Variants in THEM4 observed in about 807,000 individuals in gnomAD.
The protein encoded by THEM4 is thioesterase superfamily member 4.
Under a neutral mutation model 25.0 loss-of-function variants are expected in THEM4, and 22 were observed. That is an observed-to-expected ratio of 0.88 (90% CI 0.63 to 1.26). The LOEUF (loss-of-function observed/expected upper bound fraction) is 1.26, where lower values mean the gene tolerates loss of function less well. Ranked by LOEUF, THEM4 falls within the 50% of genes most tolerant of loss-of-function variation. THEM4 has a pLI of 0.00. For missense variants in THEM4, 286 were observed against 300.3 expected (o/e 0.95, Z 0.35); for synonymous variants, 113 against 105.6 (o/e 1.07, Z -0.43).
chr1:151,908,352 G>C (rs1189438092), intron 1 of THEM4, among the ~76,000 whole-genome samples: 1 of 152,174 alleles, frequency 6.6e-6, no homozygotes, highest in Non-Finnish European at 1.5e-5. Flanking sequence ...TTACGTCCTT[G>C]GGGGCGTGGC....
chr1:151,871,199 C>T lies in THEM4; in HGVS notation c.*3689G>A, dbSNP rs932950246. On this transcript the variant is annotated 3_prime_UTR_variant, in exon 6 of 6. Coordinates refer to ENST00000368814, the MANE Select transcript of THEM4 (RefSeq NM_053055.5). ...AATTAGCTGGGTTTGGTGGTGTATG[C>T]CTATAGTCCCAGCTACTTGGGAGGC... Among the ~76,000 whole-genome samples, 7 of 151,870 alleles carry T rather than the reference C, an allele frequency of 4.6e-5. No individual in the cohort carries two copies. The highest frequency in any genetic ancestry group is 1.7e-4 in the African/African-American group (7 of 41,318).
At chr1:151,881,572 T>C (rs1427034736) in intron 4 of THEM4, among the ~76,000 whole-genome samples, 2 of 152,224 alleles carry the variant, frequency 1.3e-5, no homozygotes, top group East Asian at 1.9e-4. Context: ...TTTTGAACTT[T>C]AGCTTTGCTG....
chr1:151,885,592 G>A (rs190223946), intron 4 of THEM4, among the ~76,000 whole-genome samples: 3 of 152,200 alleles, frequency 2.0e-5, no homozygotes, highest in African/African-American at 7.2e-5. Flanking sequence ...TTTTGAAGGA[G>A]GAATGTCCTT....
At chr1:151,909,174 T>C (rs541154642) in intron 1 of THEM4, among the ~76,000 whole-genome samples, 186 bp downstream of exon 1, 2 of 152,344 alleles carry the variant, frequency 1.3e-5, no homozygotes, top group East Asian at 3.9e-4. Flanking sequence ...CCATCCCTTT[T>C]CTAACGGTTT....
Position 151,877,120 on chromosome 1 carries a change from A to C in THEM4, c.563T>G (p.Ile188Ser). 6.2e-7 allele frequency: 1 copy of C among 1,608,294 alleles called. No homozygotes were observed. Among genetic ancestry groups the C allele is most frequent in the South Asian group, 1.1e-5 (1 of 89,592 alleles). The change falls in exon 5 of 6, where the codon ATC (isoleucine) becomes AGC (serine). Residue 188 changes from isoleucine (I) to serine (S), a missense_variant. Coordinates refer to ENST00000368814, the MANE Select transcript of THEM4 (RefSeq NM_053055.5). ...ANLNINYKRP[I>S]PLCSVVMINS... ...TATCATAACAACAGAACAAAGAGGGATAGGTCTGCAGAATAAAATGAAAAA... is the reference window on the plus strand; with the variant it reads ...TATCATAACAACAGAACAAAGAGGGCTAGGTCTGCAGAATAAAATGAAAAA...
At position 151,906,831 on chromosome 1, in the gene THEM4, G is replaced by A. The variant is rs182651526; in HGVS notation, c.99+2529C>T. ...CTAGCTAATCTGGTGTGGACGTGGAGAACCTTTGTGTCTAGCTCAGGGATT... is the reference window on the plus strand; with the variant it reads ...CTAGCTAATCTGGTGTGGACGTGGAAAACCTTTGTGTCTAGCTCAGGGATT... On this transcript the variant is annotated intron_variant, in intron 1 of 5. Coordinates refer to ENST00000368814, the MANE Select transcript of THEM4 (RefSeq NM_053055.5). Among the ~76,000 whole-genome samples the A allele has an allele frequency of 3.3e-3, 506 of 152,248 alleles. 7 individuals are homozygous for A. Among genetic ancestry groups the A allele is most frequent in the African/African-American group, 0.011 (477 of 41,544 alleles).
chr1:151,904,636 CTG>C (rs1437779237), intron 1 of THEM4, among the ~76,000 whole-genome samples: 1 of 152,274 alleles, frequency 6.6e-6, no homozygotes, highest in South Asian at 2.1e-4. Context: ...AGTTAAAAGA[CTG>C]TTGCAAAGGC....
intron 2 of THEM4, 59 bp from the exon 3 acceptor site, chr1:151,889,432 G>A: frequency 6.4e-7 from 1 of 1,556,204 alleles, no homozygotes; most frequent in Non-Finnish European, 8.8e-7. Context: ...TGCCATGGCA[G>A]AGCCAAGCAC....
At chr1:151,899,915 G>C (rs868018593) in intron 1 of THEM4, among the ~76,000 whole-genome samples, 2 of 152,278 alleles carry the variant, frequency 1.3e-5, no homozygotes, top group Middle Eastern at 3.4e-3. Flanking sequence ...AGAAGCACCA[G>C]GCAACCTATA....
chr1:151,893,846 GCCTT>G (rs1654150623), intron 2 of THEM4, among the ~76,000 whole-genome samples: 1 of 151,702 alleles, frequency 6.6e-6, no homozygotes, highest in African/African-American at 2.4e-5. Context: ...AATATTGAGA[GCCTT>G]CTTTTTCTCT....
intron 1 of THEM4, among the ~76,000 whole-genome samples, chr1:151,899,405 T>A (rs112737638): frequency 0.029 from 4,385 of 150,708 alleles, 219 homozygotes; most frequent in African/African-American, 0.099. Flanking sequence ...GCAGGAGAAT[T>A]GCTTGAAGCT....
intron 1 of THEM4, among the ~76,000 whole-genome samples, chr1:151,900,500 G>A (rs1294394427): frequency 2.6e-5 from 4 of 152,034 alleles, no homozygotes; most frequent in Non-Finnish European, 5.9e-5. Flanking sequence ...TCATGCAAAT[G>A]GACACCAAAA....
intron 2 of THEM4, among the ~76,000 whole-genome samples, chr1:151,892,304 A>T (rs937928277): frequency 1.3e-5 from 2 of 152,208 alleles, no homozygotes; most frequent in African/African-American, 4.8e-5. Flanking sequence ...ATGAAAGCCA[A>T]AAGAAAATGT....
Position 151,874,605 on chromosome 1 carries a change from G to C in THEM4, c.*283C>G. 1 of 472,490 alleles carries C rather than the reference G, an allele frequency of 2.1e-6. No homozygotes were observed. Among genetic ancestry groups the C allele is most frequent in the Non-Finnish European group, 3.8e-6 (1 of 263,854 alleles). 29.3% of individuals were successfully genotyped at this position (472,490 alleles called of 1,614,324 possible). On this transcript the variant is annotated 3_prime_UTR_variant, in exon 6 of 6. Coordinates refer to ENST00000368814, the MANE Select transcript of THEM4 (RefSeq NM_053055.5). ...GCCCAGACTGATCTTGAACTCCTGA[G>C]CTCAGGCAATCCGCCTGCCTCGGCC...
Position 151,889,252 on chromosome 1 carries a change from G to C in THEM4, c.408C>G (p.Cys136Trp). 6.2e-7 allele frequency: 1 copy of C among 1,613,452 alleles called. No homozygotes were observed. Among genetic ancestry groups the C allele is most frequent in the Non-Finnish European group, 8.5e-7 (1 of 1,179,866 alleles). The change falls in exon 3 of 6, where the codon TGC becomes TGG. Residue 136 changes from cysteine (C) to tryptophan (W), a missense_variant. Coordinates refer to ENST00000368814, the MANE Select transcript of THEM4 (RefSeq NM_053055.5). ...FYNDIEKRMV[C>W]LFQGGPYLEG... The stretch of plus-strand genomic sequence containing the variant: ...CCAGGTAAGGGCCTCCTTGAAATAA[G>C]CAAACCATCCTTTTCTCAATGTCAT...
Position 151,874,838 on chromosome 1 carries a change from A to G in THEM4, c.*50T>C, listed in dbSNP as rs747938500. The G allele has an allele frequency of 2.5e-6, 4 of 1,581,252 alleles. No individual in the cohort carries two copies. The highest frequency in any genetic ancestry group is 2.2e-5 in the South Asian group (2 of 90,374). Reference sequence around the variant, plus strand: ...GAGGGAGCAGAGTATTTGGGGGACAACTGCTTCTTCTGGAGGGGCGAGAAT... The same window carrying G: ...GAGGGAGCAGAGTATTTGGGGGACAGCTGCTTCTTCTGGAGGGGCGAGAAT... On this transcript the variant is annotated 3_prime_UTR_variant, in exon 6 of 6. Coordinates refer to ENST00000368814, the MANE Select transcript of THEM4 (RefSeq NM_053055.5).
chr1:151,897,373 C>A, intron 1 of THEM4, among the ~76,000 whole-genome samples: 1 of 152,184 alleles, frequency 6.6e-6, no homozygotes, highest in East Asian at 1.9e-4. Context: ...TACAGAGAAC[C>A]TGTCTCAAAA....
chr1:151,894,953 TC>T lies in THEM4; in HGVS notation c.286+54del, dbSNP rs781521183. 8 of 1,569,276 alleles carry T rather than the reference TC, an allele frequency of 5.1e-6. No individual in the cohort carries two copies. The East Asian group carries it at 9.0e-5, about 18-fold the overall frequency. On this transcript the variant is annotated intron_variant, in intron 2 of 5. Transcript: ENST00000368814. ...GGTAGTAACTAGTACTTCAATCTGT[TC>T]TTAGCTTTATATTTGATGCTCAGAT...
intron 1 of THEM4, among the ~76,000 whole-genome samples, chr1:151,908,615 C>T (rs549648726): frequency 6.6e-6 from 1 of 152,312 alleles, no homozygotes; most frequent in Non-Finnish European, 1.5e-5. Context: ...AAGGAGTGCT[C>T]AGCTTAATTA....
Sources: allele counts gnomAD v4.1 joint callset (sites outside exome capture counted in the v4.1 genomes callset), GRCh38; gene constraint gnomAD v4.1.1; transcripts MANE v1.5; gene names NCBI Gene and HGNC (gene_info 2026-07-23, HGNC 2026-07-21).